The following CRISPLD1 variants were observed in gnomAD, a reference collection of about 807,000 sequenced individuals.
CRISPLD1 encodes cysteine-rich secretory protein LCCL domain-containing 1.
A neutral mutation model predicts 77.5 loss-of-function variants in CRISPLD1; 60 were observed. The ratio of observed to expected loss-of-function variants is 0.77; its 90% CI spans 0.63 to 0.96. The LOEUF is 0.96. Ranked by LOEUF, CRISPLD1 falls within the 40% of genes least tolerant of loss-of-function variation. CRISPLD1 has a pLI of 0.00. For synonymous variants in CRISPLD1, 195 were observed against 200.1 expected (o/e 0.97, Z 0.22); for missense variants, 623 against 615.8 (o/e 1.01, Z -0.12).
rs867332166 is a variant in CRISPLD1, at chr8:75,013,019, A to G, written c.507A>G (p.Thr169=). 2.3e-5 allele frequency: 36 copies of G among 1,591,190 alleles called. No homozygotes were observed. In the African/African-American group the frequency reaches 3.1e-4, roughly 14 times the overall value. The change falls in exon 4 of 15, where the codon ACA becomes ACG. Residue 169 remains threonine (T), a synonymous_variant. Transcript: ENST00000262207. ...RCSGPVCTHY[T]QVVWATSNRI... ...CTGGCCCTGTATGTACACATTATAC[A>G]CAGGTATGTTTGGGGGGTATTATAC...
chr8:74,998,722 G>A (rs988982881), intron 2 of CRISPLD1, among the ~76,000 whole-genome samples: 2 of 143,866 alleles, frequency 1.4e-5, no homozygotes, highest in African/African-American at 5.3e-5. Flanking sequence ...AAGTTCAAAG[G>A]TTTAATAGCA....
chr8:74,986,692 T>G (rs1379453687), intron 2 of CRISPLD1, among the ~76,000 whole-genome samples: 1 of 152,244 alleles, frequency 6.6e-6, no homozygotes, highest in Non-Finnish European at 1.5e-5. Flanking sequence ...CTTATAAACA[T>G]GTAAATGACA....
Position 75,012,535 on chromosome 8 carries a change from G to A in CRISPLD1, c.361G>A (p.Gly121Arg). 6.2e-7 allele frequency: 1 copy of A among 1,604,546 alleles called. No individual in the cohort carries two copies. The highest frequency in any genetic ancestry group is 8.5e-7 in the Non-Finnish European group (1 of 1,171,626). The part of the protein sequence containing the change: ...SLLPSIGQNL[G>R]AHWGRYRPPT... ...GCTTCCATCAATTGGACAGAATTTGGGAGCACACTGGGGAAGGTATCTTAA... is the reference window on the plus strand; with the variant it reads ...GCTTCCATCAATTGGACAGAATTTGAGAGCACACTGGGGAAGGTATCTTAA... Residue 121 changes from glycine to arginine, a missense_variant, in exon 3 of 15, where the codon GGA becomes AGA. Coordinates refer to ENST00000262207, the MANE Select transcript of CRISPLD1 (RefSeq NM_031461.6).
intron 14 of CRISPLD1, among the ~76,000 whole-genome samples, chr8:75,029,987 T>A (rs980813255): frequency 1.3e-5 from 2 of 152,178 alleles, no homozygotes; most frequent in African/African-American, 4.8e-5. Flanking sequence ...ATAAATGAAC[T>A]CTTTCAGGTC....
intron 2 of CRISPLD1, among the ~76,000 whole-genome samples, chr8:74,999,027 T>C (rs1032820184): frequency 1.3e-5 from 2 of 152,160 alleles, no homozygotes; most frequent in Non-Finnish European, 2.9e-5. Context: ...GATTGAATGC[T>C]AAGTACAGAT....
At position 75,008,918 on chromosome 8, in the gene CRISPLD1, T is replaced by C. The variant is rs557264028; in HGVS notation, c.259-3515T>C. Among the ~76,000 whole-genome samples, 11 of 152,274 alleles carry C rather than the reference T, an allele frequency of 7.2e-5. No homozygotes were observed. The South Asian group carries it at 2.1e-3, about 29-fold the overall frequency. ...GTTTTACGTTTTATTCCGATTTCTATACAACAGAAATATAAGCAAACTTGA... is the reference window on the plus strand; with the variant it reads ...GTTTTACGTTTTATTCCGATTTCTACACAACAGAAATATAAGCAAACTTGA... On this transcript the variant is annotated intron_variant, in intron 2 of 14. Coordinates refer to ENST00000262207, the MANE Select transcript of CRISPLD1 (RefSeq NM_031461.6).
intron 2 of CRISPLD1, among the ~76,000 whole-genome samples, chr8:74,991,791 A>G (rs1812576936): frequency 6.6e-6 from 1 of 151,976 alleles, no homozygotes; most frequent in South Asian, 2.1e-4. Context: ...CAGCCTCCCA[A>G]AGTGCTGGAC....
chr8:75,003,660 A>C (rs1812782225), intron 2 of CRISPLD1, among the ~76,000 whole-genome samples: 1 of 152,200 alleles, frequency 6.6e-6, no homozygotes, highest in Admixed American at 6.5e-5. Context: ...AAGATCAAGA[A>C]GTAAAGAATA....
At chr8:74,998,907 A>G (rs1019452059) in intron 2 of CRISPLD1, among the ~76,000 whole-genome samples, 4 of 151,882 alleles carry the variant, frequency 2.6e-5, no homozygotes. Flanking sequence ...CTAGAACGAG[A>G]TAATCAAAGA....
At chr8:75,022,600 A>G (rs559305440) in intron 12 of CRISPLD1, among the ~76,000 whole-genome samples, 1 of 151,780 alleles carries the variant, frequency 6.6e-6, no homozygotes, top group East Asian at 1.9e-4. Flanking sequence ...AAAAAAAAAA[A>G]AAAAAGAAAA....
In CRISPLD1 at chr8:75,033,390, T is replaced by G. The variant is rs1481346282; in HGVS notation, c.*1148T>G. Reference sequence around the variant, plus strand: ...AAAATTATTGTAAGTCTTCTAAACTTGGTTTATTGACGTTAGTATAAATAA... The same window carrying G: ...AAAATTATTGTAAGTCTTCTAAACTGGGTTTATTGACGTTAGTATAAATAA... On this transcript the variant is annotated 3_prime_UTR_variant, in exon 15 of 15. Transcript: ENST00000262207. 1 of 152,066 alleles carries G rather than the reference T, an allele frequency of 6.6e-6. No individual in the cohort carries two copies. Among genetic ancestry groups the G allele is most frequent in the Non-Finnish European group, 1.5e-5 (1 of 67,892 alleles). 9.4% of individuals were successfully genotyped at this position (152,066 alleles called of 1,614,324 possible).
Position 75,012,900 on chromosome 8 carries a change from C to A in CRISPLD1, c.388C>A (p.Pro130Thr). The A allele has an allele frequency of 6.2e-7, 1 of 1,611,364 alleles. No homozygotes were observed. The highest frequency in any genetic ancestry group is 8.5e-7 in the Non-Finnish European group (1 of 1,178,532). The change falls in exon 4 of 15, where the codon CCG (proline) becomes ACG (threonine). Residue 130 changes from proline to threonine, a missense_variant. Physicochemically the swap from Pro to Thr is conservative, Grantham distance 38 (BLOSUM62 -1). Transcript: ENST00000262207. ...LGAHWGRYRP[P>T]TFHVQSWYDE... ...TTTTCTTTCTAATAGATATAGGCCCCCGACGTTTCATGTACAATCGTGGTA... is the reference window on the plus strand; with the variant it reads ...TTTTCTTTCTAATAGATATAGGCCCACGACGTTTCATGTACAATCGTGGTA...
At chr8:74,985,245 G>A (rs1005038227) in intron 1 of CRISPLD1, among the ~76,000 whole-genome samples, 1 of 152,068 alleles carries the variant, frequency 6.6e-6, no homozygotes, top group Non-Finnish European at 1.5e-5. Flanking sequence ...TCGGGTGCAG[G>A]CCACAGATTA....
In CRISPLD1 at chr8:75,014,802, T is replaced by C; in HGVS notation, c.627-10T>C. On this transcript the variant is annotated splice_polypyrimidine_tract_variant and intron_variant, in intron 5 of 14. Coordinates refer to ENST00000262207, the MANE Select transcript of CRISPLD1 (RefSeq NM_031461.6). Reference sequence around the variant, plus strand: ...GACTACTTTTTAATAGAGCGTATCATCTCTTAAAGGGGAAACTGGTGGGGC... The same window carrying C: ...GACTACTTTTTAATAGAGCGTATCACCTCTTAAAGGGGAAACTGGTGGGGC... 1 of 1,589,906 alleles carries C rather than the reference T, an allele frequency of 6.3e-7. No homozygotes were observed. The highest frequency in any genetic ancestry group is 8.6e-7 in the Non-Finnish European group (1 of 1,164,274).
chr8:75,034,444 C>T lies in CRISPLD1; in HGVS notation c.*2202C>T, dbSNP rs959862976. 6.6e-6 allele frequency: 1 copy of T among 152,026 alleles called. No homozygotes were observed. Among genetic ancestry groups the T allele is most frequent in the Non-Finnish European group, 1.5e-5 (1 of 67,926 alleles). The allele number at this position is 152,026 out of a possible 1,614,324, so 9.4% of individuals were successfully genotyped here. ...TGTTATCTAATTTGGGGAAACTATT[C>T]ATCTGTCATATACTATTGATCCTTT... On this transcript the variant is annotated 3_prime_UTR_variant, in exon 15 of 15. Coordinates refer to ENST00000262207, the MANE Select transcript of CRISPLD1 (RefSeq NM_031461.6).
chr8:75,028,260 A>C (rs1241806995), intron 13 of CRISPLD1, among the ~76,000 whole-genome samples: 2 of 152,184 alleles, frequency 1.3e-5, no homozygotes, highest in Admixed American at 1.3e-4. Flanking sequence ...GAAAGGATTA[A>C]ACAGCTTGGC....
At position 75,030,909 on chromosome 8, in the gene CRISPLD1, C is replaced by CAT. The variant is rs957802290; in HGVS notation, c.1452-1274_1452-1273dup. On this transcript the variant is annotated intron_variant, in intron 14 of 14. Coordinates refer to ENST00000262207, the MANE Select transcript of CRISPLD1 (RefSeq NM_031461.6). ...ACACTTCTATATACACATATACATA[C>CAT]ATATATATACACATATACATATATA... 1.2e-4 allele frequency among the ~76,000 whole-genome samples: 18 copies of CAT among 151,868 alleles called. No individual in the cohort carries two copies. The East Asian group carries it at 2.1e-3, about 18-fold the overall frequency.
intron 2 of CRISPLD1, among the ~76,000 whole-genome samples, chr8:74,989,801 C>T (rs1490266274): frequency 6.6e-6 from 1 of 152,146 alleles, no homozygotes; most frequent in African/African-American, 2.4e-5. Context: ...AGGTCTTTGT[C>T]ATAAATTCTT....
intron 9 of CRISPLD1, 94 bp from the exon 10 acceptor site, chr8:75,017,226 T>G (rs1439133687): frequency 1.3e-6 from 2 of 1,544,200 alleles, no homozygotes; most frequent in East Asian, 4.5e-5. Flanking sequence ...CAGAAATGTT[T>G]ATTTAATTGA....
Sources: allele counts gnomAD v4.1 joint callset (sites outside exome capture counted in the v4.1 genomes callset), GRCh38; gene constraint gnomAD v4.1.1; transcripts MANE v1.5; gene names NCBI Gene and HGNC (gene_info 2026-07-23, HGNC 2026-07-21).